Variants in GLOD5 observed in about 807,000 individuals in gnomAD.
GLOD5 encodes glyoxalase domain-containing protein 5.
A neutral mutation model predicts 9.9 loss-of-function variants in GLOD5; 7 were observed. The ratio of observed to expected loss-of-function variants is 0.71; its 90% CI spans 0.40 to 1.33. The LOEUF is 1.33. GLOD5 is among the 40% of genes most tolerant of loss of function. GLOD5 has a pLI of 0.01. For missense variants in GLOD5, 146 were observed against 128.4 expected (o/e 1.14, Z -0.66); for synonymous variants, 49 against 47.3 (o/e 1.04, Z -0.14).
chrX:48,763,669 G>A (rs1283257354), intron 1 of GLOD5, among the ~76,000 whole-genome samples: 2 of 111,860 alleles, frequency 1.8e-5, no homozygotes, highest in Non-Finnish European at 1.9e-5. Context: ...CTCCAGGCTG[G>A]GCAACAAAGC....
chrX:48,773,301 C>T lies in GLOD5; in HGVS notation c.358-9C>T. 1.7e-6 allele frequency: 2 copies of T among 1,210,681 alleles called. No homozygotes were observed. The highest frequency in any genetic ancestry group is 2.2e-6 in the Non-Finnish European group (2 of 894,937). ...GACGAACGACTTTTGTCTTTTCTTC[C>T]CACTTCAGGCTTGTGATGTCCCTAT... On this transcript the variant is annotated splice_polypyrimidine_tract_variant and intron_variant, in intron 3 of 3. Coordinates refer to ENST00000303227, the MANE Select transcript of GLOD5 (RefSeq NM_001080489.3).
At chrX:48,773,189 C>T (rs993127225) in intron 3 of GLOD5, 121 bp from the exon 4 acceptor site, 599 of 789,846 alleles carry the variant, frequency 7.6e-4, no homozygotes, top group Non-Finnish European at 1.0e-3. Context: ...GAGATCTCAC[C>T]ACTGCACTCC....
rs1252147215 is a variant in GLOD5, at chrX:48,770,977, G to A, written c.252G>A (p.Glu84=). The A allele has an allele frequency of 5.8e-6, 7 of 1,199,104 alleles. No individual in the cohort carries two copies. Among genetic ancestry groups the A allele is most frequent in the Non-Finnish European group, 7.9e-6 (7 of 888,416 alleles). The change falls in exon 3 of 4, where the codon GAG becomes GAA. Residue 84 remains glutamate, a synonymous_variant. Coordinates refer to ENST00000303227, the MANE Select transcript of GLOD5 (RefSeq NM_001080489.3). Reference sequence around the variant, plus strand: ...GAGACCAGAAATTTAACCTCCACGAGGTGGGAAAGGAATTTGAACCCAAAG... The same window carrying A: ...GAGACCAGAAATTTAACCTCCACGAAGTGGGAAAGGAATTTGAACCCAAAG... ...CFGDQKFNLH[E]VGKEFEPKAA...
intron 2 of GLOD5, among the ~76,000 whole-genome samples, chrX:48,767,972 G>T (rs1437579076): frequency 1.8e-5 from 2 of 111,128 alleles, no homozygotes; most frequent in Non-Finnish European, 3.8e-5. Context: ...AACAGGAGAA[G>T]AAAAATTTTT....
intron 1 of GLOD5, among the ~76,000 whole-genome samples, 161 bp downstream of exon 1, chrX:48,762,014 G>A (rs782092944): frequency 8.3e-4 from 92 of 111,031 alleles, no homozygotes; most frequent in South Asian, 7.6e-3. Flanking sequence ...GGAAAGGCCC[G>A]GCTCTAAGCC....
At chrX:48,770,371 G>C (rs1264417252) in intron 2 of GLOD5, among the ~76,000 whole-genome samples, 2 of 112,393 alleles carry the variant, frequency 1.8e-5, no homozygotes, top group Non-Finnish European at 3.8e-5. Flanking sequence ...CTAACTGTGG[G>C]TTAAACAAGA....
intron 2 of GLOD5, among the ~76,000 whole-genome samples, chrX:48,768,103 C>T (rs966971618): frequency 1.2e-4 from 13 of 112,025 alleles, no homozygotes; most frequent in African/African-American, 4.2e-4. Context: ...GTAGTTGAGA[C>T]TGTAGGCACG....
intron 2 of GLOD5, among the ~76,000 whole-genome samples, chrX:48,770,119 A>T (rs1475840688): frequency 9.1e-6 from 1 of 109,771 alleles, no homozygotes; most frequent in Non-Finnish European, 1.9e-5. Context: ...TACTAAAAAT[A>T]TAAAAATTAG....
chrX:48,761,863 A>AT lies in GLOD5; in HGVS notation c.63+11dup, dbSNP rs2062597126. On this transcript the variant is annotated intron_variant, in intron 1 of 3. Coordinates refer to ENST00000303227, the MANE Select transcript of GLOD5 (RefSeq NM_001080489.3). ...GACTTTGGAGAAACAGGTGAACAAG[A>AT]TGGCCCCTGGGGATCTGGGGCAAGG... 1 of 1,150,696 alleles carries AT rather than the reference A, an allele frequency of 8.7e-7. No homozygotes were observed. The highest frequency in any genetic ancestry group is 3.3e-5 in the East Asian group (1 of 30,606). The allele number at this position is 1,150,696 out of a possible 1,213,427, so 94.8% of individuals were successfully genotyped here.
chrX:48,773,231 A>C (rs781904859), intron 3 of GLOD5, 79 bp from the exon 4 acceptor site: 94 of 670,743 alleles, frequency 1.4e-4, no homozygotes, highest in East Asian at 1.1e-3. Flanking sequence ...CTCTGTCACA[A>C]AAAAAAAAAA....
chrX:48,762,102 AG>A (rs1185225299), intron 1 of GLOD5, among the ~76,000 whole-genome samples: 5 of 111,265 alleles, frequency 4.5e-5, no homozygotes, highest in Non-Finnish European at 9.4e-5. Flanking sequence ...AGCCAGGGAC[AG>A]GTGGAGAGAT....
At chrX:48,761,890 TG>T (rs782657867) in intron 1 of GLOD5, 37 bp downstream of exon 1, 66 of 1,050,953 alleles carry the variant, frequency 6.3e-5, no homozygotes, top group Non-Finnish European at 3.5e-5. Flanking sequence ...GGGGCAAGGG[TG>T]TTGGCACTGA....
chrX:48,762,085 CCA>C (rs2062597775), intron 1 of GLOD5, among the ~76,000 whole-genome samples: 1 of 111,228 alleles, frequency 9.0e-6, no homozygotes. Context: ...GGCTCCTCCC[CCA>C]GTTTAGCCAG....
intron 2 of GLOD5, chrX:48,766,288 T>C (rs782172574): frequency 3.3e-4 from 61 of 183,757 alleles, no homozygotes; most frequent in Non-Finnish European, 1.8e-4. Flanking sequence ...AAAAAGTAGA[T>C]CCTAAGAGCT....
chrX:48,762,975 G>T (rs1557016173), intron 1 of GLOD5, among the ~76,000 whole-genome samples: 1 of 111,953 alleles, frequency 8.9e-6, no homozygotes, highest in Admixed American at 9.6e-5. Flanking sequence ...AATCTAAGCT[G>T]GCAGGGAAGA....
In GLOD5 at chrX:48,773,550, A is replaced by C. The variant is rs782131715; in HGVS notation, c.*115A>C. The C allele has an allele frequency of 4.0e-5, 33 of 828,099 alleles. No homozygotes were observed. Among genetic ancestry groups the C allele is most frequent in the Non-Finnish European group, 5.3e-5 (31 of 584,142 alleles). 68.2% of individuals were successfully genotyped at this position (828,099 alleles called of 1,213,427 possible). The stretch of plus-strand genomic sequence containing the variant: ...AAGACTGAGGACTTAGGCACTTCAC[A>C]CATCCTGCTGAGGGGGGACCCAAGA... On this transcript the variant is annotated 3_prime_UTR_variant, in exon 4 of 4. Transcript: ENST00000303227.
At position 48,761,815 on chromosome X, in the gene GLOD5, C is replaced by T; in HGVS notation, c.25C>T (p.Leu9=). ...CATGCTGCGCCATCTGCCCTCCAGG[C>T]TGCCAGTCAAGATGTGGGGCAGGAC... MLRHLPSR[L]PVKMWGRTLE... The change falls in exon 1 of 4, where the codon CTG becomes TTG. Residue 9 remains leucine, a synonymous_variant. Coordinates refer to ENST00000303227, the MANE Select transcript of GLOD5 (RefSeq NM_001080489.3). The T allele has an allele frequency of 8.6e-7, 1 of 1,166,809 alleles. No individual in the cohort carries two copies. The highest frequency in any genetic ancestry group is 1.1e-6 in the Non-Finnish European group (1 of 872,302).
chrX:48,768,174 C>T (rs2062613880), intron 2 of GLOD5, among the ~76,000 whole-genome samples: 1 of 112,099 alleles, frequency 8.9e-6, no homozygotes, highest in Non-Finnish European at 1.9e-5. Context: ...AACATGGAAC[C>T]TTATGCAGAA....
chrX:48,763,709 A>C (rs2062602135), intron 1 of GLOD5, among the ~76,000 whole-genome samples: 2 of 111,977 alleles, frequency 1.8e-5, no homozygotes, highest in Admixed American at 9.5e-5. Context: ...GGAATTAAAA[A>C]AGAAAGTTAA....
Sources: gnomAD v4.1 joint callset for allele counts (sites outside exome capture counted in the v4.1 genomes callset) on GRCh38, gnomAD v4.1.1 for gene constraint, MANE v1.5 for transcripts, NCBI Gene and HGNC (gene_info 2026-07-23, HGNC 2026-07-21) for gene names.